Variants in GCSAML observed in about 807,000 individuals in gnomAD.
GCSAML encodes germinal center-associated signaling and motility-like protein.
GCSAML carries 9 observed loss-of-function variants against 13.0 expected under a neutral mutation model. That is an observed-to-expected ratio of 0.69 (90% CI 0.42 to 1.21). The LOEUF (loss-of-function observed/expected upper bound fraction) is 1.21, where lower values mean the gene tolerates loss of function less well. Among genes scored for constraint, GCSAML ranks in the 50% most tolerant of loss-of-function variants. The pLI, the probability that GCSAML is intolerant of heterozygous loss-of-function variation, is 0.00. For synonymous variants in GCSAML, 37 were observed against 52.9 expected, an observed-to-expected ratio of 0.70 and a Z score of 1.31; for missense variants, 143 against 153.4, an observed-to-expected ratio of 0.93 and a Z score of 0.36.
At chr1:247,532,901 T>C (rs1010784135) in intron 2 of GCSAML, among the ~76,000 whole-genome samples, 3 of 151,924 alleles carry the variant, frequency 2.0e-5, no homozygotes, top group African/African-American at 7.3e-5. Flanking sequence ...CTGGGGAAAA[T>C]GGACATTCAT....
intron 1 of GCSAML, among the ~76,000 whole-genome samples, chr1:247,515,640 T>C (rs1666184278): frequency 6.6e-6 from 1 of 152,142 alleles, no homozygotes; most frequent in Non-Finnish European, 1.5e-5. Context: ...AAACTTACAA[T>C]CATGGCAGAT....
intron 2 of GCSAML, among the ~76,000 whole-genome samples, chr1:247,534,996 A>G (rs1667158794): frequency 1.3e-5 from 2 of 152,084 alleles, no homozygotes; most frequent in Non-Finnish European, 2.9e-5. Context: ...CATCCTGGAG[A>G]ATACATTCCA....
chr1:247,527,839 C>T lies in GCSAML; in HGVS notation c.-148+785C>T, dbSNP rs12408686. ...TGGTATAGAACACTAGAACTTACTC[C>T]TCCAATGGAGCTGTAATTTTGTATC... is the stretch of plus-strand genomic sequence containing the variant. On this transcript the variant is annotated intron_variant, in intron 2 of 5. Transcript: ENST00000366489. This position sits in a 1 kb window ranked among gnomAD's most constrained non-coding sequence, Gnocchi z 4.6. 25,123 of 152,050 alleles carry T rather than the reference C, an allele frequency of 0.17. 2,185 individuals carry two copies. Among genetic ancestry groups the T allele is most frequent in the Admixed American group, 0.2 (2,991 of 15,258 alleles). The allele number at this position is 152,050 out of a possible 1,614,324, so 9.4% of individuals were successfully genotyped here. A position where few individuals can be genotyped will look rare whatever the true frequency, so the allele number is the denominator to read the frequency against.
At chr1:247,557,253 T>G (rs1021566137) in intron 2 of GCSAML, among the ~76,000 whole-genome samples, 1 of 152,194 alleles carries the variant, frequency 6.6e-6, no homozygotes, top group Admixed American at 6.5e-5. Flanking sequence ...TTTGAGCTCT[T>G]TATAGTCCAC....
intron 2 of GCSAML, chr1:247,532,715 A>G (rs758364765): frequency 8.7e-6 from 5 of 577,318 alleles, no homozygotes; most frequent in Non-Finnish European, 1.5e-5. Context: ...TCCCACCTCA[A>G]CTTCCTTGGT....
chr1:247,549,764 C>T (rs1667702655), intron 1 of GCSAML, among the ~76,000 whole-genome samples: 1 of 152,162 alleles, frequency 6.6e-6, no homozygotes, highest in African/African-American at 2.4e-5. Context: ...ATGCCTTTGA[C>T]TTTAGTCACA....
chr1:247,529,604 T>A (rs1207127732), intron 2 of GCSAML: 1 of 152,232 alleles, frequency 6.6e-6, no homozygotes. Flanking sequence ...AGAATGTTGC[T>A]TCACTTCACT....
At chr1:247,547,494 T>C (rs185441358), upstream of GCSAML, among the ~76,000 whole-genome samples, 15 of 152,364 alleles carry the variant, frequency 9.8e-5, no homozygotes, top group East Asian at 2.9e-3. Flanking sequence ...ATGGAGCTAC[T>C]TACTTGAGCA....
At chr1:247,565,219 A>G (rs577888629) in intron 3 of GCSAML, among the ~76,000 whole-genome samples, 3 of 152,166 alleles carry the variant, frequency 2.0e-5, no homozygotes, top group South Asian at 4.2e-4. Context: ...TTAGCTGGGC[A>G]TGGTGGCATG....
intron 1 of GCSAML, among the ~76,000 whole-genome samples, chr1:247,509,127 C>T (rs1331761403): frequency 1.3e-5 from 2 of 152,190 alleles, no homozygotes; most frequent in Non-Finnish European, 2.9e-5. Context: ...ATTAATTCTT[C>T]CTATCCATGA....
Position 247,527,243 on chromosome 1 carries a change from G to A in GCSAML, c.-148+189G>A, listed in dbSNP as rs533029461. 2.7e-6 allele frequency: 1 copy of A among 375,888 alleles called. No individual in the cohort carries two copies. Among genetic ancestry groups the A allele is most frequent in the Non-Finnish European group, 5.2e-6 (1 of 191,022 alleles). 23.3% of individuals were successfully genotyped at this position (375,888 alleles called of 1,614,324 possible). ...CAAACAGGGGCTGATGGATGGTCAG[G>A]GCAAAGCACAGTGCTGTCCTCATGG... On this transcript the variant is annotated intron_variant, in intron 2 of 5. Transcript: ENST00000366489. The surrounding 1 kb of genome is among the most constrained non-coding windows in gnomAD (Gnocchi z 4.6).
chr1:247,565,784 T>C, intron 3 of GCSAML, 147 bp from the exon 4 acceptor site: 1 of 626,988 alleles, frequency 1.6e-6, no homozygotes, highest in Non-Finnish European at 2.8e-6. Context: ...GATGGGGCAA[T>C]GTCATGTCAG....
chr1:247,523,888 A>C (rs1379583105), intron 1 of GCSAML, among the ~76,000 whole-genome samples: 1 of 152,158 alleles, frequency 6.6e-6, no homozygotes, highest in African/African-American at 2.4e-5. Context: ...ACATATATGA[A>C]ATTTTGAATA....
rs1668218264 is a variant in GCSAML at position 247,563,572 on chromosome 1, C to CAAGGAG, written c.90-18_90-17insAAGGAG. 1.3e-6 allele frequency: 2 copies of CAAGGAG among 1,531,818 alleles called. No individual in the cohort carries two copies. The highest frequency in any genetic ancestry group is 1.7e-4 in the Middle Eastern group (1 of 5,898). The allele number at this position is 1,531,818 out of a possible 1,614,324, so 94.9% of individuals were successfully genotyped here. A position where few individuals can be genotyped will look rare whatever the true frequency, so the allele number is the denominator to read the frequency against. ...GGAGAACCTGGAGTATCTCATGTTA[C>CAAGGAG]TATCTCTTTCCTTGTAGGCAGGAAA... On this transcript the variant is annotated splice_polypyrimidine_tract_variant and intron_variant, in intron 2 of 4. Transcript: ENST00000366488.
intron 2 of GCSAML, among the ~76,000 whole-genome samples, chr1:247,559,614 A>G (rs1055835450): frequency 6.6e-6 from 1 of 152,042 alleles, no homozygotes; most frequent in East Asian, 1.9e-4. Flanking sequence ...GTTCCCATAT[A>G]TCTATCTATA....
At chr1:247,530,405 C>G (rs1178992713) in intron 2 of GCSAML, 3 of 151,996 alleles carry the variant, frequency 2.0e-5, no homozygotes, top group Non-Finnish European at 4.4e-5. Context: ...ACAAAATGCA[C>G]AATCATAAGA....
chr1:247,526,672 G>T lies in GCSAML; in HGVS notation c.-262-268G>T. The T allele has an allele frequency of 3.0e-6, 1 of 334,570 alleles. No individual in the cohort carries two copies. Among genetic ancestry groups the T allele is most frequent in the Non-Finnish European group, 5.8e-6 (1 of 172,672 alleles). The allele number at this position is 334,570 out of a possible 1,614,324, so 20.7% of individuals were successfully genotyped here. On this transcript the variant is annotated intron_variant, in intron 1 of 5. Coordinates refer to the GCSAML transcript ENST00000366489. This position sits in a 1 kb window ranked among gnomAD's most constrained non-coding sequence, Gnocchi z 4.8. ...GCATGGGAGGAAACCCATACATGAA[G>T]TAGAGGGTTCACAGAGCAGGTTTGG... is the stretch of plus-strand genomic sequence containing the variant.
intron 4 of GCSAML, among the ~76,000 whole-genome samples, chr1:247,570,676 T>C (rs1668570548): frequency 6.6e-6 from 1 of 152,208 alleles, no homozygotes; most frequent in Non-Finnish European, 1.5e-5. Flanking sequence ...GAGAAGAATA[T>C]ATATTTTGTT....
chr1:247,567,896 G>A (rs1035259452), intron 4 of GCSAML, among the ~76,000 whole-genome samples: 2 of 152,278 alleles, frequency 1.3e-5, no homozygotes, highest in Admixed American at 6.5e-5. Context: ...GTATCTCATT[G>A]TGGTTTTGAT....
Sources: gnomAD v4.1 joint callset for allele counts (sites outside exome capture counted in the v4.1 genomes callset) on GRCh38, gnomAD v4.1.1 for gene constraint, Gnocchi (gnomAD v3.1) non-coding constraint, MANE v1.5 for transcripts, NCBI Gene and HGNC (gene_info 2026-07-23, HGNC 2026-07-21) for gene names.